The following UNC13B variants were observed in gnomAD, a reference collection of about 807,000 sequenced individuals.
UNC13B encodes unc-13 homolog B, also known as protein unc-13 homolog B.
In UNC13B, 144 loss-of-function variants were observed where a neutral mutation model predicts 211.0. The ratio of observed to expected loss-of-function variants is 0.68; its 90% CI spans 0.60 to 0.78. The LOEUF is 0.78. Ranked by LOEUF, UNC13B falls within the 30% of genes least tolerant of loss-of-function variation. UNC13B has a pLI of 0.00. For synonymous variants in UNC13B, 709 were observed against 725.8 expected, an observed-to-expected ratio of 0.98 and a Z score of 0.37; for missense variants, 1,777 against 2,002.0, an observed-to-expected ratio of 0.89 and a Z score of 2.14.
chr9:35,237,665 G>T (rs777780513), intron 4 of UNC13B, 38 bp from the exon 5 acceptor site: 13 of 1,602,368 alleles, frequency 8.1e-6, no homozygotes, highest in Non-Finnish European at 1.0e-5. Context: ...AGGGAGCCAA[G>T]AAAGATTAAA....
intron 11 of UNC13B, chr9:35,351,671 G>C (rs1832729507): frequency 2.4e-6 from 3 of 1,232,136 alleles, no homozygotes; most frequent in Non-Finnish European, 3.0e-6. Context: ...CTTACCAGAG[G>C]ACAACTCCCT....
chr9:35,255,345 A>G (rs896997344), intron 6 of UNC13B, among the ~76,000 whole-genome samples: 5 of 151,152 alleles, frequency 3.3e-5, no homozygotes, highest in Non-Finnish European at 7.4e-5. Flanking sequence ...TATTATTAAC[A>G]TCTTACATTA....
intron 1 of UNC13B, among the ~76,000 whole-genome samples, chr9:35,176,584 C>T (rs532296409): frequency 2.6e-5 from 4 of 151,988 alleles, no homozygotes; most frequent in Non-Finnish European, 5.9e-5. Context: ...AAAAAAACCC[C>T]ACAACTGTTG....
At chr9:35,236,384 C>G in intron 3 of UNC13B, 85 bp from the exon 4 acceptor site, 1 of 1,099,422 alleles carries the variant, frequency 9.1e-7, no homozygotes, top group South Asian at 1.5e-5. Flanking sequence ...GGTGAGAAAG[C>G]ATTCAAAGTT....
chr9:35,338,594 C>T (rs1052892913), intron 11 of UNC13B, among the ~76,000 whole-genome samples: 1 of 152,162 alleles, frequency 6.6e-6, no homozygotes. Context: ...TCATCTTCCT[C>T]ATGAAATAAA....
chr9:35,201,558 T>C (rs1230912038), intron 1 of UNC13B, among the ~76,000 whole-genome samples: 1 of 152,192 alleles, frequency 6.6e-6, no homozygotes, highest in Non-Finnish European at 1.5e-5. Flanking sequence ...CCTGGTTTAG[T>C]CTTGGGAGAG....
intron 7 of UNC13B, chr9:35,291,001 A>G (rs1031876649): frequency 3.6e-5 from 54 of 1,495,468 alleles, no homozygotes; most frequent in South Asian, 2.1e-4. Context: ...AGATGGGGAA[A>G]TGACTTTTGA....
At chr9:35,279,469 C>A (rs1266772546) in intron 7 of UNC13B, among the ~76,000 whole-genome samples, 1 of 151,720 alleles carries the variant, frequency 6.6e-6, no homozygotes, top group Non-Finnish European at 1.5e-5. Context: ...TTTTTTAAAC[C>A]ACTTTTGGCT....
intron 1 of UNC13B, among the ~76,000 whole-genome samples, chr9:35,168,671 A>G (rs1429725769): frequency 7.4e-6 from 1 of 135,556 alleles, no homozygotes; most frequent in East Asian, 2.1e-4. Flanking sequence ...TCTTATTTGT[A>G]TTTTATTTTC....
At chr9:35,177,730 A>G (rs886374010) in intron 1 of UNC13B, among the ~76,000 whole-genome samples, 1 of 152,200 alleles carries the variant, frequency 6.6e-6, no homozygotes, top group Non-Finnish European at 1.5e-5. Context: ...GGTATATAAA[A>G]ATGAGGAAGA....
intron 7 of UNC13B, among the ~76,000 whole-genome samples, chr9:35,267,259 T>C (rs1302010659): frequency 6.6e-6 from 1 of 152,148 alleles, no homozygotes; most frequent in African/African-American, 2.4e-5. Flanking sequence ...TTGGGCTTTC[T>C]AGAAGTGGGA....
Position 35,183,188 on chromosome 9 carries a change from T to C in UNC13B, c.22+20883T>C, listed in dbSNP as rs1168428891. Among the ~76,000 whole-genome samples the C allele has an allele frequency of 2.0e-3, 248 of 122,272 alleles. 1 individual carries two copies. Among genetic ancestry groups the C allele is most frequent in the Non-Finnish European group, 2.0e-3 (116 of 59,192 alleles). 80.2% of individuals were successfully genotyped at this position (122,272 alleles called of 152,430 possible). On this transcript the variant is annotated intron_variant, in intron 1 of 39. Transcript: ENST00000635942. Reference sequence around the variant, plus strand: ...TGGGGCGGCCGGGCAGAGGTGCTCCTCACCTCCCAGACGATGGGCGGTCGG... The same window carrying C: ...TGGGGCGGCCGGGCAGAGGTGCTCCCCACCTCCCAGACGATGGGCGGTCGG...
chr9:35,386,322 G>C, intron 24 of UNC13B, 29 bp downstream of exon 24: 1 of 1,612,368 alleles, frequency 6.2e-7, no homozygotes, highest in Non-Finnish European at 8.5e-7. Context: ...GGTGGGGCCA[G>C]CTGTCAGTGG....
intron 20 of UNC13B, 80 bp downstream of exon 20, chr9:35,381,799 G>A: frequency 6.5e-7 from 1 of 1,547,526 alleles, no homozygotes; most frequent in Middle Eastern, 1.9e-4. Flanking sequence ...TGGTGGGCAG[G>A]TCCTTAGTGA....
intron 6 of UNC13B, among the ~76,000 whole-genome samples, chr9:35,250,212 C>T (rs1587465974): frequency 6.6e-6 from 1 of 152,160 alleles, no homozygotes; most frequent in Non-Finnish European, 1.5e-5. Context: ...TCATTTAAAG[C>T]TTACAATTCA....
chr9:35,227,289 G>A (rs191261028), intron 1 of UNC13B, among the ~76,000 whole-genome samples: 6 of 152,304 alleles, frequency 3.9e-5, no homozygotes, highest in Non-Finnish European at 1.5e-5. Flanking sequence ...GCAGGATAAG[G>A]AGAATGGCAG....
intron 1 of UNC13B, among the ~76,000 whole-genome samples, chr9:35,206,161 G>A (rs1163028210): frequency 6.6e-6 from 1 of 152,070 alleles, no homozygotes; most frequent in Non-Finnish European, 1.5e-5. Context: ...CTGTTGTCCA[G>A]GCTGGAGTGA....
intron 5 of UNC13B, among the ~76,000 whole-genome samples, chr9:35,240,222 T>TCAGGGTCCCTGAA (rs1825731589): frequency 6.6e-6 from 1 of 152,228 alleles, no homozygotes; most frequent in African/African-American, 2.4e-5. Context: ...GTCCCTCTGT[T>TCAGGGTCCCTGAA]CAGGGTCCCT....
chr9:35,247,260 C>T (rs978959570), intron 6 of UNC13B, among the ~76,000 whole-genome samples: 15 of 152,260 alleles, frequency 9.9e-5, no homozygotes, highest in African/African-American at 3.4e-4. Context: ...TGGGCTGAGA[C>T]AGTGGGGTTT....
Sources: allele counts gnomAD v4.1 joint callset (sites outside exome capture counted in the v4.1 genomes callset), GRCh38; gene constraint gnomAD v4.1.1; transcripts MANE v1.5; gene names NCBI Gene and HGNC (gene_info 2026-07-23, HGNC 2026-07-21).